The following MAD1L1 variants were observed in gnomAD, a reference collection of about 807,000 sequenced individuals.
MAD1L1 encodes mitotic arrest deficient 1 like 1.
A neutral mutation model predicts 96.9 loss-of-function variants in MAD1L1; 95 were observed. The ratio of observed to expected loss-of-function variants is 0.98; its 90% CI spans 0.83 to 1.16. The LOEUF is 1.16. Ranked by LOEUF, MAD1L1 falls within the 50% of genes most tolerant of loss-of-function variation. MAD1L1 has a pLI of 0.00. For missense variants in MAD1L1, 1,007 were observed against 954.4 expected (o/e 1.06, Z -0.73); for synonymous variants, 473 against 396.6 (o/e 1.19, Z -2.29).
intron 10 of MAD1L1, among the ~76,000 whole-genome samples, chr7:2,155,332 T>C (rs942456254): frequency 2.0e-5 from 3 of 152,194 alleles, no homozygotes; most frequent in Non-Finnish European, 4.4e-5. Context: ...ACATAAAATA[T>C]ACCATCTTAA....
chr7:1,940,974 C>CCCTCCTCTGCCTCTCCCAGGCCTCAG (rs1778948625), intron 16 of MAD1L1, among the ~76,000 whole-genome samples: 2 of 114,256 alleles, frequency 1.8e-5, no homozygotes, highest in African/African-American at 7.3e-5. Context: ...GCAGGCCTCA[C>CCCTCCTCTGCCTCTCCCAGGCCTCAG]CCTCCTCTTC....
chr7:1,871,736 C>G (rs1042687917), intron 18 of MAD1L1, among the ~76,000 whole-genome samples: 4 of 151,012 alleles, frequency 2.6e-5, no homozygotes, highest in East Asian at 2.1e-4. Context: ...CCACGCTGAA[C>G]CCAACATACG....
At chr7:2,023,367 C>A (rs1782867982) in intron 12 of MAD1L1, among the ~76,000 whole-genome samples, 1 of 152,116 alleles carries the variant, frequency 6.6e-6, no homozygotes, top group African/African-American at 2.4e-5. Context: ...AACTGGAAAT[C>A]AGTAACAGAA....
chr7:1,909,128 C>G (rs565965897), intron 17 of MAD1L1, among the ~76,000 whole-genome samples: 21 of 152,328 alleles, frequency 1.4e-4, no homozygotes, highest in African/African-American at 5.0e-4. Context: ...CCGACACCGG[C>G]GTGGTGTACT....
intron 11 of MAD1L1, among the ~76,000 whole-genome samples, chr7:2,115,550 G>A (rs181108866): frequency 8.8e-5 from 13 of 148,524 alleles, no homozygotes; most frequent in South Asian, 8.7e-4. Context: ...CAGAGGAGGC[G>A]CTGGACAGGG....
chr7:2,124,717 C>CACCCTCCTCT (rs988942042), intron 11 of MAD1L1, among the ~76,000 whole-genome samples: 5 of 152,210 alleles, frequency 3.3e-5, no homozygotes, highest in African/African-American at 1.2e-4. Context: ...CACCCTGCCC[C>CACCCTCCTCT]ACCCTCCTCT....
chr7:2,039,388 C>A (rs1042272916), intron 12 of MAD1L1, among the ~76,000 whole-genome samples: 1 of 152,212 alleles, frequency 6.6e-6, no homozygotes, highest in Non-Finnish European at 1.5e-5. Context: ...CCCAGGAATG[C>A]GACTGCTGGT....
intron 11 of MAD1L1, among the ~76,000 whole-genome samples, chr7:2,115,094 G>C (rs906655759): frequency 1.3e-5 from 2 of 152,196 alleles, no homozygotes; most frequent in East Asian, 3.9e-4. Context: ...GCGACCCAAG[G>C]CTCCCCCAGA....
intron 18 of MAD1L1, among the ~76,000 whole-genome samples, chr7:1,834,975 G>GGGTTTATCCTAAGAA (rs1782874996): frequency 6.6e-6 from 1 of 152,042 alleles, no homozygotes; most frequent in Non-Finnish European, 1.5e-5. Flanking sequence ...TGACTAAGTG[G>GGGTTTATCCTAAGAA]GGTTTATCCT....
At chr7:1,840,094 A>G (rs2128631886) in intron 18 of MAD1L1, among the ~76,000 whole-genome samples, 1 of 152,180 alleles carries the variant, frequency 6.6e-6, no homozygotes, top group African/African-American at 2.4e-5. Flanking sequence ...TTCCTCAACC[A>G]TCCCCCATGA....
At chr7:1,898,872 T>C (rs57851791) in intron 17 of MAD1L1, among the ~76,000 whole-genome samples, 9,993 of 152,232 alleles carry the variant, frequency 0.066, 790 homozygotes, top group African/African-American at 0.18. Flanking sequence ...AGGCCTGGGC[T>C]GCCACGCCAC....
At chr7:1,890,219 C>G (rs1786452596) in intron 18 of MAD1L1, among the ~76,000 whole-genome samples, 1 of 152,214 alleles carries the variant, frequency 6.6e-6, no homozygotes, top group African/African-American at 2.4e-5. Context: ...GTTGGTACGT[C>G]CCTGACAAGT....
At chr7:1,863,873 G>C (rs1784648975) in intron 18 of MAD1L1, among the ~76,000 whole-genome samples, 1 of 152,190 alleles carries the variant, frequency 6.6e-6, no homozygotes, top group Non-Finnish European at 1.5e-5. Flanking sequence ...TGGATCACAA[G>C]GTCAGGAGTT....
chr7:2,027,157 T>C (rs941734445), intron 12 of MAD1L1, among the ~76,000 whole-genome samples: 3 of 150,966 alleles, frequency 2.0e-5, no homozygotes, highest in African/African-American at 7.3e-5. Context: ...CACAACTGAA[T>C]AAAGAAAAAA....
chr7:1,903,894 CGG>C (rs1787439806), intron 17 of MAD1L1, among the ~76,000 whole-genome samples: 2 of 127,202 alleles, frequency 1.6e-5, no homozygotes, highest in Admixed American at 8.3e-5. Flanking sequence ...GATGCTCTTG[CGG>C]AACTCATGAT....
chr7:2,175,486 C>T (rs892415591), intron 10 of MAD1L1: 14 of 129,886 alleles, frequency 1.1e-4, no homozygotes, highest in Non-Finnish European at 1.7e-4. Context: ...TTCACATGAA[C>T]CTTTGCCAAA....
intron 11 of MAD1L1, among the ~76,000 whole-genome samples, chr7:2,112,605 G>C (rs1388001298): frequency 6.6e-6 from 1 of 152,212 alleles, no homozygotes; most frequent in East Asian, 1.9e-4. Flanking sequence ...GCTGACACCT[G>C]GGCTTCTCAA....
chr7:1,993,977 C>T (rs904147906), intron 14 of MAD1L1, among the ~76,000 whole-genome samples: 4 of 152,226 alleles, frequency 2.6e-5, no homozygotes, highest in South Asian at 2.1e-4. Context: ...CCTGCAACTG[C>T]CCTGGCCACA....
chr7:1,992,477 C>T (rs1211537029), intron 14 of MAD1L1, among the ~76,000 whole-genome samples: 2 of 152,132 alleles, frequency 1.3e-5, no homozygotes, highest in Admixed American at 6.5e-5. Context: ...CAGCCTCAAG[C>T]GCTTTGTGGA....
Sources: allele counts gnomAD v4.1 joint callset (sites outside exome capture counted in the v4.1 genomes callset), GRCh38; gene constraint gnomAD v4.1.1; transcripts MANE v1.5; gene names NCBI Gene and HGNC (gene_info 2026-07-23, HGNC 2026-07-21).